Variants in DOCK2 observed in about 807,000 individuals in gnomAD.
DOCK2 encodes dedicator of cytokinesis protein 2.
In DOCK2, 87 loss-of-function variants were observed where a neutral mutation model predicts 248.9. That is an observed-to-expected ratio of 0.35 (90% confidence interval 0.29 to 0.42). DOCK2 has a LOEUF of 0.42. Ranked by LOEUF, DOCK2 falls within the 10% of genes least tolerant of loss-of-function variation. The pLI is 1.00. For synonymous variants in DOCK2, 805 were observed against 821.6 expected (o/e 0.98, Z 0.35); for missense variants, 1,747 against 2,300.2 (o/e 0.76, Z 4.92).
rs541264471 is a variant in DOCK2, at chr5:169,802,045, G to T, written c.2555-1013G>T. ...TTTGGATTTTTTTTTTTTCCTCAAG[G>T]TTTTCTGTTTTCAAGGGAAATATGG... On this transcript the variant is annotated intron_variant, in intron 25 of 51. Coordinates refer to ENST00000520908, the MANE Select transcript of DOCK2 (RefSeq NM_004946.3). 2.6e-5 allele frequency among the ~76,000 whole-genome samples: 4 copies of T among 151,760 alleles called. No homozygotes were observed. The East Asian group carries it at 5.8e-4, about 22-fold the overall frequency.
At chr5:170,054,041 G>A (rs200447136) in intron 41 of DOCK2, among the ~76,000 whole-genome samples, 1 of 146,022 alleles carries the variant, frequency 6.8e-6, no homozygotes, top group African/African-American at 2.6e-5. Flanking sequence ...GGGGTGAATT[G>A]TTTTCATGGA....
In DOCK2 at chr5:169,752,536, C is replaced by T. The variant is rs1001831526; in HGVS notation, c.2376+5032C>T. On this transcript the variant is annotated intron_variant, in intron 23 of 51. Coordinates refer to ENST00000520908, the MANE Select transcript of DOCK2 (RefSeq NM_004946.3). ...AGAGGATCTCTCAAGCCTAGGAGTT[C>T]AAGACCAGGCTGGGGAACATAGTGA... Among the ~76,000 whole-genome samples the T allele has an allele frequency of 1.1e-4, 16 of 149,322 alleles. 1 individual carries two copies. Among genetic ancestry groups the T allele is most frequent in the African/African-American group, 4.0e-4 (16 of 40,426 alleles).
intron 33 of DOCK2, among the ~76,000 whole-genome samples, chr5:170,025,742 G>A (rs1446791826): frequency 6.6e-6 from 1 of 150,840 alleles, no homozygotes; most frequent in Non-Finnish European, 1.5e-5. Flanking sequence ...GCCACACTGG[G>A]TCTCATCTAG....
At chr5:170,072,660 C>T (rs1466516577) in intron 46 of DOCK2, among the ~76,000 whole-genome samples, 3 of 152,184 alleles carry the variant, frequency 2.0e-5, no homozygotes, top group Non-Finnish European at 4.4e-5. Flanking sequence ...GTCAGTTGAT[C>T]CACATTCTCC....
At chr5:169,941,374 A>ATTT (rs1776240127) in intron 27 of DOCK2, among the ~76,000 whole-genome samples, 2 of 151,924 alleles carry the variant, frequency 1.3e-5, no homozygotes, top group Admixed American at 6.6e-5. Context: ...GGCCCAGCTA[A>ATTT]TTTTGTATTT....
At chr5:169,756,631 A>G (rs1764208505) in intron 23 of DOCK2, among the ~76,000 whole-genome samples, 1 of 152,150 alleles carries the variant, frequency 6.6e-6, no homozygotes. Context: ...GTTTGCTAGA[A>G]GTGCTTGCAC....
At chr5:169,704,859 AAAT>A (rs1187978716) in intron 14 of DOCK2, among the ~76,000 whole-genome samples, 1 of 152,072 alleles carries the variant, frequency 6.6e-6, no homozygotes, top group African/African-American at 2.4e-5. Flanking sequence ...TAAAATTAAA[AAAT>A]TTTAAAAATA....
chr5:169,908,080 A>G (rs541129216), intron 27 of DOCK2, among the ~76,000 whole-genome samples: 1 of 152,208 alleles, frequency 6.6e-6, no homozygotes, highest in Non-Finnish European at 1.5e-5. Context: ...AAAAGCTTTC[A>G]TTGAACAACA....
chr5:169,696,238 C>T (rs1325082472), intron 10 of DOCK2, among the ~76,000 whole-genome samples: 1 of 152,190 alleles, frequency 6.6e-6, no homozygotes, highest in African/African-American at 2.4e-5. Flanking sequence ...AAAGGAAAAA[C>T]AATACAGGCA....
rs565065000 is a variant in DOCK2 at position 169,730,220 on chromosome 5, G to A, written c.2267+11429G>A. Reference sequence around the variant, plus strand: ...TATCTGCCTGCCTCAGCCTCCCAAAGTGCTGGGATTACAGGCATGAGCCAC... The same window carrying A: ...TATCTGCCTGCCTCAGCCTCCCAAAATGCTGGGATTACAGGCATGAGCCAC... On this transcript the variant is annotated intron_variant, in intron 22 of 51. Coordinates refer to ENST00000520908, the MANE Select transcript of DOCK2 (RefSeq NM_004946.3). 4.6e-5 allele frequency among the ~76,000 whole-genome samples: 7 copies of A among 152,318 alleles called. No homozygotes were observed. In the South Asian group the frequency reaches 1.2e-3, roughly 27 times the overall value.
At chr5:170,077,889 AT>A (rs1293933402) in intron 48 of DOCK2, 52 bp downstream of exon 48, 3 of 1,393,944 alleles carry the variant, frequency 2.2e-6, no homozygotes, top group Non-Finnish European at 2.0e-6. Flanking sequence ...CCCTGGCTCT[AT>A]CCCCCCTCCT....
intron 1 of DOCK2, among the ~76,000 whole-genome samples, chr5:169,645,770 CAG>C (rs1424221813): frequency 3.3e-5 from 5 of 151,920 alleles, no homozygotes; most frequent in Admixed American, 6.6e-5. Context: ...TTTTTTGAGA[CAG>C]AGTCTCACTC....
intron 25 of DOCK2, among the ~76,000 whole-genome samples, chr5:169,766,481 G>T (rs1380035983): frequency 6.6e-6 from 1 of 152,174 alleles, no homozygotes; most frequent in Non-Finnish European, 1.5e-5. Context: ...ATCAGCGCGT[G>T]TTTAGGTTGA....
chr5:169,866,020 G>A (rs1249564865), intron 27 of DOCK2, among the ~76,000 whole-genome samples: 2 of 152,122 alleles, frequency 1.3e-5, no homozygotes, highest in Admixed American at 1.3e-4. Flanking sequence ...AGGCAGGGCT[G>A]AAGAGTCAGA....
chr5:169,715,815 G>A (rs761872279), intron 19 of DOCK2, among the ~76,000 whole-genome samples: 6 of 152,002 alleles, frequency 3.9e-5, no homozygotes, highest in Non-Finnish European at 8.8e-5. Context: ...TCACTGTCCT[G>A]ACAACCATCA....
chr5:169,835,260 GTTT>G (rs547978458), intron 26 of DOCK2, among the ~76,000 whole-genome samples: 1 of 134,796 alleles, frequency 7.4e-6, no homozygotes, highest in Non-Finnish European at 1.6e-5. Flanking sequence ...GAAATGCCTG[GTTT>G]TTTTTTTTTT....
chr5:169,784,536 GT>G (rs1407515784), intron 25 of DOCK2, among the ~76,000 whole-genome samples: 2 of 152,162 alleles, frequency 1.3e-5, no homozygotes, highest in Admixed American at 6.5e-5. Context: ...ATAATTTCAG[GT>G]GTGTACAAAT....
intron 27 of DOCK2, among the ~76,000 whole-genome samples, chr5:169,869,929 A>G (rs954922518): frequency 6.6e-6 from 1 of 152,198 alleles, no homozygotes; most frequent in Non-Finnish European, 1.5e-5. Context: ...GTAAGAAGGA[A>G]GATAGGTGCA....
At chr5:170,008,374 G>A (rs900906384) in intron 30 of DOCK2, 123 bp from the exon 31 acceptor site, 8 of 959,342 alleles carry the variant, frequency 8.3e-6, no homozygotes, top group Non-Finnish European at 1.1e-5. Flanking sequence ...ATTGCAGTGG[G>A]CACAATTAAA....
Sources: gnomAD v4.1 joint callset for allele counts (sites outside exome capture counted in the v4.1 genomes callset) on GRCh38, gnomAD v4.1.1 for gene constraint, MANE v1.5 for transcripts, NCBI Gene and HGNC (gene_info 2026-07-23, HGNC 2026-07-21) for gene names.